Variants in PRR7 observed in about 807,000 individuals in gnomAD.
The protein encoded by PRR7 is proline-rich protein 7.
A neutral mutation model predicts 18.5 loss-of-function variants in PRR7; 8 were observed. The observed-to-expected ratio is 0.43, with a 90% CI of 0.25 to 0.78. The LOEUF (loss-of-function observed/expected upper bound fraction) is 0.78, where lower values mean the gene tolerates loss of function less well. Among genes scored for constraint, PRR7 ranks in the 30% least tolerant of loss-of-function variants. The probability of loss-of-function intolerance (pLI) is 0.22; values close to 1 mark genes in which losing one functional copy is unlikely to be tolerated. For synonymous variants in PRR7, 221 were observed against 187.7 expected (o/e 1.18, Z -1.45); for missense variants, 396 against 403.1 (o/e 0.98, Z 0.15).
intron 1 of PRR7, among the ~76,000 whole-genome samples, chr5:177,452,405 A>G (rs1369502627): frequency 1.3e-5 from 2 of 152,204 alleles, no homozygotes; most frequent in African/African-American, 2.4e-5. Context: ...TTTTTTCGGG[A>G]GGCTTTGCCA....
intron 1 of PRR7, chr5:177,447,773 C>G (rs1000698031): frequency 6.6e-6 from 1 of 152,260 alleles, no homozygotes; most frequent in East Asian, 1.9e-4. Context: ...GGGGTGGAAG[C>G]AGAGTGGGCA....
upstream of PRR7, chr5:177,446,309 C>G (rs1424553811): frequency 6.6e-6 from 1 of 152,308 alleles, no homozygotes; most frequent in Non-Finnish European, 1.5e-5. The surrounding 1 kb of genome is among the most constrained non-coding windows in gnomAD (Gnocchi z 5.3). Context: ...CCGTGGCTTC[C>G]TAGTAGGCAT....
chr5:177,453,235 C>T (rs533310614), intron 1 of PRR7, among the ~76,000 whole-genome samples: 1 of 152,336 alleles, frequency 6.6e-6, no homozygotes, highest in East Asian at 1.9e-4. Flanking sequence ...CTTTTCTGAC[C>T]CAGAGCTGTT....
intron 1 of PRR7, among the ~76,000 whole-genome samples, chr5:177,451,961 G>A (rs1016509606): frequency 9.2e-5 from 14 of 152,184 alleles, no homozygotes; most frequent in South Asian, 2.1e-4. Context: ...CATCTTCACC[G>A]ATGAGGAAAC....
chr5:177,447,306 G>A (rs1179678776), intron 1 of PRR7, among the ~76,000 whole-genome samples: 2 of 152,154 alleles, frequency 1.3e-5, no homozygotes, highest in Non-Finnish European at 2.9e-5. Context: ...GGGGTGCAGG[G>A]GGAGAGGGGT....
chr5:177,448,440 A>G (rs1756016284), intron 1 of PRR7: 1 of 151,292 alleles, frequency 6.6e-6, no homozygotes, highest in Non-Finnish European at 1.5e-5. Flanking sequence ...AGAGATGAAG[A>G]CTCTAAAGGG....
At chr5:177,452,482 C>A (rs1289454996) in intron 1 of PRR7, among the ~76,000 whole-genome samples, 1 of 152,198 alleles carries the variant, frequency 6.6e-6, no homozygotes, top group Non-Finnish European at 1.5e-5. Context: ...ATGTATTGAG[C>A]ACCTATGGTC....
rs1255899134 is a variant in PRR7 at position 177,454,894 on chromosome 5, C to T, written c.-174C>T. 3 of 889,314 alleles carry T rather than the reference C, an allele frequency of 3.4e-6. No homozygotes were observed. The allele number at this position is 889,314 out of a possible 1,614,324, so 55.1% of individuals were successfully genotyped here. A position where few individuals can be genotyped will look rare whatever the true frequency, so the allele number is the denominator to read the frequency against. On this transcript the variant is annotated 5_prime_UTR_variant, in exon 3 of 4. Transcript: ENST00000323249. The surrounding 1 kb of genome is among the most constrained non-coding windows in gnomAD (Gnocchi z 4.7). Reference sequence around the variant, plus strand: ...CGGCGCCATGGGAAGGAGCGGGCGCCGCTGCTGTCCCCCGCCGGCGCGCGC... The same window carrying T: ...CGGCGCCATGGGAAGGAGCGGGCGCTGCTGCTGTCCCCCGCCGGCGCGCGC...
In PRR7 at chr5:177,455,173, C is replaced by T; in HGVS notation, c.106C>T (p.Arg36Cys). Reference protein sequence around the residue: ...LLCCFCSFLRRRLKRRQEERL... With the variant: ...LLCCFCSFLRCRLKRRQEERL... ...CTGCTGCTTCTGCAGCTTCCTGCGCCGCCGCCTCAAACGGCGCCAGGAGGA... is the reference window on the plus strand; with the variant it reads ...CTGCTGCTTCTGCAGCTTCCTGCGCTGCCGCCTCAAACGGCGCCAGGAGGA... Residue 36 changes from arginine (R) to cysteine (C), a missense_variant, in exon 3 of 4, where the codon CGC (arginine) becomes TGC (cysteine). Physicochemically the swap from Arg to Cys is radical, Grantham distance 180. Transcript: ENST00000323249. The surrounding 1 kb of genome is among the most constrained non-coding windows in gnomAD (Gnocchi z 6.9). 1 of 1,575,266 alleles carries T rather than the reference C, an allele frequency of 6.3e-7. No homozygotes were observed. Among genetic ancestry groups the T allele is most frequent in the Non-Finnish European group, 8.6e-7 (1 of 1,165,824 alleles).
Position 177,454,983 on chromosome 5 carries a change from TGA to T in PRR7, c.-81_-80del. On this transcript the variant is annotated 5_prime_UTR_variant, in exon 3 of 4. The change abolishes the stop of an existing upstream ORF in the 5' untranslated region. Coordinates refer to ENST00000323249, the MANE Select transcript of PRR7 (RefSeq NM_030567.5). This position sits in a 1 kb window ranked among gnomAD's most constrained non-coding sequence, Gnocchi z 4.7. ...GTCCCCGAGTGACGCTGGCGGCACC[TGA>T]GAGTGTGGCGCGGGCCCGGGGCCAC... The T allele has an allele frequency of 7.3e-7, 1 of 1,362,494 alleles. No homozygotes were observed. Among genetic ancestry groups the T allele is most frequent in the Non-Finnish European group, 9.4e-7 (1 of 1,058,212 alleles). The allele number at this position is 1,362,494 out of a possible 1,614,324, so 84.4% of individuals were successfully genotyped here. A position where few individuals can be genotyped will look rare whatever the true frequency, so the allele number is the denominator to read the frequency against.
chr5:177,453,511 C>G (rs1756254046), intron 1 of PRR7, among the ~76,000 whole-genome samples: 1 of 152,184 alleles, frequency 6.6e-6, no homozygotes, highest in Admixed American at 6.5e-5. Flanking sequence ...CTGAAGGCAG[C>G]CATGGAGTCA....
At position 177,455,789 on chromosome 5, in the gene PRR7, C is replaced by T. The variant is rs1172344486; in HGVS notation, c.493C>T (p.Pro165Ser). 6.2e-7 allele frequency: 1 copy of T among 1,611,198 alleles called. No individual in the cohort carries two copies. Among genetic ancestry groups the T allele is most frequent in the African/African-American group, 1.3e-5 (1 of 74,810 alleles). ...GGTGCTGATGGCAGAGCCGCCGCCG[C>T]CCTATAGCGAGGTGCTCACGGACAC... Reference protein sequence around the residue: ...EAVLMAEPPPPYSEVLTDTRG... With the variant: ...EAVLMAEPPPSYSEVLTDTRG... Residue 165 changes from proline (P) to serine (S), a missense_variant, in exon 4 of 4, where the codon CCC (proline) becomes TCC (serine). Transcript: ENST00000323249. This position sits in a 1 kb window ranked among gnomAD's most constrained non-coding sequence, Gnocchi z 6.9.
In PRR7 at chr5:177,455,275, C is replaced by A; in HGVS notation, c.208C>A (p.Pro70Thr). The change falls in exon 3 of 4, where the codon CCG (proline) becomes ACG (threonine). Residue 70 changes from proline to threonine, a missense_variant. Physicochemically the swap from Pro to Thr is conservative, Grantham distance 38. This residue lies in a region of PRR7 where 383 missense variants were observed against 372.6 expected (regional missense o/e 1.03). Transcript: ENST00000323249. The surrounding 1 kb of genome is among the most constrained non-coding windows in gnomAD (Gnocchi z 6.9). ...CGAGGGCAGTCTGGCCGGGAGCCCC[C>A]CGGGCCTGGCGCCGCCGCAGCCACC... ...ELEGSLAGSP[P>T]GLAPPQPPPH... 6.6e-7 allele frequency: 1 copy of A among 1,518,130 alleles called. No individual in the cohort carries two copies. The highest frequency in any genetic ancestry group is 8.8e-7 in the Non-Finnish European group (1 of 1,141,406). The allele number at this position is 1,518,130 out of a possible 1,614,324, so 94.0% of individuals were successfully genotyped here. A position where few individuals can be genotyped will look rare whatever the true frequency, so the allele number is the denominator to read the frequency against.
In PRR7 at chr5:177,455,644, C is replaced by A. The variant is rs1394196035; in HGVS notation, c.428-80C>A. 2 of 1,422,472 alleles carry A rather than the reference C, an allele frequency of 1.4e-6. No homozygotes were observed. The highest frequency in any genetic ancestry group is 1.8e-6 in the Non-Finnish European group (2 of 1,084,004). The allele number at this position is 1,422,472 out of a possible 1,614,324, so 88.1% of individuals were successfully genotyped here. On this transcript the variant is annotated intron_variant, in intron 3 of 3. Coordinates refer to ENST00000323249, the MANE Select transcript of PRR7 (RefSeq NM_030567.5). This position sits in a 1 kb window ranked among gnomAD's most constrained non-coding sequence, Gnocchi z 6.9. ...TCGGGTTCGGGCTAGGGCTGGGGCG[C>A]GGGCGGCCCCTGGCCGGGGCCTCTG...
Position 177,455,276 on chromosome 5 carries a change from C to CG in PRR7, c.212dup (p.Leu72ProfsTer11). 6.6e-7 allele frequency: 1 copy of CG among 1,516,322 alleles called. No homozygotes were observed. The highest frequency in any genetic ancestry group is 8.8e-7 in the Non-Finnish European group (1 of 1,140,560). 93.9% of individuals were successfully genotyped at this position (1,516,322 alleles called of 1,614,324 possible). On this transcript the variant is annotated frameshift_variant, in exon 3 of 4. Coordinates refer to ENST00000323249, the MANE Select transcript of PRR7 (RefSeq NM_030567.5). LOFTEE classifies it high-confidence loss of function. The surrounding 1 kb of genome is among the most constrained non-coding windows in gnomAD (Gnocchi z 6.9). ...GAGGGCAGTCTGGCCGGGAGCCCCC[C>CG]GGGCCTGGCGCCGCCGCAGCCACCA...
rs337424 is a variant in PRR7 at position 177,455,648 on chromosome 5, C to A, written c.428-76C>A. On this transcript the variant is annotated intron_variant, in intron 3 of 3. Transcript: ENST00000323249. The surrounding 1 kb of genome is among the most constrained non-coding windows in gnomAD (Gnocchi z 6.9). ...GTTCGGGCTAGGGCTGGGGCGCGGG[C>A]GGCCCCTGGCCGGGGCCTCTGCGAG... 1.0e-3 allele frequency: 1,458 copies of A among 1,421,234 alleles called. 16 individuals are homozygous for A. In the African/African-American group the frequency reaches 0.019, roughly 19 times the overall value. 88.0% of individuals were successfully genotyped at this position (1,421,234 alleles called of 1,614,324 possible).
In PRR7 at chr5:177,449,722, C is replaced by T. The variant is rs1260494602; in HGVS notation, c.-325+2762C>T. 6.6e-6 allele frequency among the ~76,000 whole-genome samples: 1 copy of T among 151,828 alleles called. No individual in the cohort carries two copies. Among genetic ancestry groups the T allele is most frequent in the Non-Finnish European group, 1.5e-5 (1 of 67,932 alleles). ...TGAGGGAGGGCTCTCCACCTACAAG[C>T]CCACCGAGGCCTCAGTCTCTGTGGT... On this transcript the variant is annotated intron_variant, in intron 1 of 3. Coordinates refer to ENST00000323249, the MANE Select transcript of PRR7 (RefSeq NM_030567.5). The surrounding 1 kb of genome is among the most constrained non-coding windows in gnomAD (Gnocchi z 4.2).
rs1013918373 is a variant in PRR7 at position 177,446,919 on chromosome 5, C to T, written c.-366C>T. ...CTGTCCGCTGGGCCCGCGCTGCTCG[C>T]CCCGAGCCAGGAGAACGAGCTCGAG... On this transcript the variant is annotated 5_prime_UTR_variant, in exon 1 of 4. Coordinates refer to ENST00000323249, the MANE Select transcript of PRR7 (RefSeq NM_030567.5). This position sits in a 1 kb window ranked among gnomAD's most constrained non-coding sequence, Gnocchi z 5.3. The T allele has an allele frequency of 4.0e-5, 6 of 151,716 alleles. No homozygotes were observed. Among genetic ancestry groups the T allele is most frequent in the Non-Finnish European group, 7.4e-5 (5 of 67,890 alleles). The allele number at this position is 151,716 out of a possible 1,614,324, so 9.4% of individuals were successfully genotyped here. A position where few individuals can be genotyped will look rare whatever the true frequency, so the allele number is the denominator to read the frequency against.
chr5:177,452,981 GC>G (rs998116133), intron 1 of PRR7, among the ~76,000 whole-genome samples: 1 of 152,206 alleles, frequency 6.6e-6, no homozygotes, highest in Non-Finnish European at 1.5e-5. Context: ...TCTGCCCAGT[GC>G]CCCCATGGCT....
Sources: gnomAD v4.1 joint callset for allele counts (sites outside exome capture counted in the v4.1 genomes callset) on GRCh38, gnomAD v4.1.1 for gene constraint, gnomAD v4.1.1 regional missense constraint, Gnocchi (gnomAD v3.1) non-coding constraint, MANE v1.5 for transcripts, NCBI Gene and HGNC (gene_info 2026-07-23, HGNC 2026-07-21) for gene names.